Variants in TRAPPC9 observed in about 807,000 individuals in gnomAD.
The protein encoded by TRAPPC9 is IKK2 binding protein.
A neutral mutation model predicts 124.0 loss-of-function variants in TRAPPC9; 83 were observed. That is an observed-to-expected ratio of 0.67 (90% CI 0.56 to 0.80). The LOEUF is 0.80. Ranked by LOEUF, TRAPPC9 falls within the 30% of genes least tolerant of loss-of-function variation. TRAPPC9 has a pLI of 0.00. For synonymous variants in TRAPPC9, 638 were observed against 617.5 expected, an observed-to-expected ratio of 1.03 and a Z score of -0.49; for missense variants, 1,302 against 1,508.3, an observed-to-expected ratio of 0.86 and a Z score of 2.27.
At chr8:140,329,715 G>A (rs1004679341) in intron 9 of TRAPPC9, among the ~76,000 whole-genome samples, 2 of 151,972 alleles carry the variant, frequency 1.3e-5, no homozygotes, top group African/African-American at 4.8e-5. Flanking sequence ...TGCTCATTTC[G>A]GAATCTAAGG....
chr8:139,856,758 G>A (rs974500474), intron 21 of TRAPPC9, among the ~76,000 whole-genome samples: 3 of 150,180 alleles, frequency 2.0e-5, no homozygotes, highest in African/African-American at 7.3e-5. Flanking sequence ...AAACCCAAGT[G>A]TTGAAGGAAG....
At chr8:140,287,147 A>C (rs1279938938) in intron 13 of TRAPPC9, among the ~76,000 whole-genome samples, 2 of 152,172 alleles carry the variant, frequency 1.3e-5, no homozygotes, top group African/African-American at 4.8e-5. Flanking sequence ...TGAGGAGCGA[A>C]TTTAGAAACA....
intron 14 of TRAPPC9, among the ~76,000 whole-genome samples, chr8:140,280,964 C>T (rs903978607): frequency 6.6e-6 from 1 of 152,222 alleles, no homozygotes; most frequent in Non-Finnish European, 1.5e-5. Context: ...CACTGGGGCA[C>T]GTGTCCCTTC....
intron 9 of TRAPPC9, among the ~76,000 whole-genome samples, chr8:140,330,050 G>A (rs562003802): frequency 6.6e-6 from 1 of 152,094 alleles, no homozygotes; most frequent in East Asian, 1.9e-4. Flanking sequence ...TTGCACTCCA[G>A]CCTGGGCAAC....
intron 17 of TRAPPC9, among the ~76,000 whole-genome samples, chr8:140,158,961 C>T (rs1464404725): frequency 6.6e-6 from 1 of 152,238 alleles, no homozygotes; most frequent in African/African-American, 2.4e-5. Context: ...CATCCATCAG[C>T]TACTGGAAGA....
chr8:139,924,312 T>C (rs2131350716), intron 19 of TRAPPC9, among the ~76,000 whole-genome samples: 1 of 152,298 alleles, frequency 6.6e-6, no homozygotes, highest in East Asian at 1.9e-4. Context: ...TGGCCAGCAG[T>C]GGTACCTGGC....
At position 139,979,084 on chromosome 8, in the gene TRAPPC9, C is replaced by T. The variant is rs1054730234; in HGVS notation, c.2810+9642G>A. Among the ~76,000 whole-genome samples, 9 of 152,034 alleles carry T rather than the reference C, an allele frequency of 5.9e-5. No homozygotes were observed. In the South Asian group the frequency reaches 1.0e-3, roughly 18 times the overall value. On this transcript the variant is annotated intron_variant, in intron 19 of 22. Transcript: ENST00000438773. ...GCCGTGGTTGACAGCAGGCCAGGTG[C>T]GGAGCCGTGAGGGTCAGGTCTGACA...
At chr8:140,272,872 GACCCCCCTCCAA>G (rs1277631821) in intron 15 of TRAPPC9, among the ~76,000 whole-genome samples, 3 of 133,216 alleles carry the variant, frequency 2.3e-5, no homozygotes, top group Non-Finnish European at 4.9e-5. Context: ...CCCCCCACCA[GACCCCCCTCCAA>G]CACTGGGGAT....
At chr8:139,830,453 G>A (rs1234115954) in intron 21 of TRAPPC9, among the ~76,000 whole-genome samples, 2 of 150,592 alleles carry the variant, frequency 1.3e-5, no homozygotes, top group Non-Finnish European at 1.5e-5. Flanking sequence ...GCACACAAAC[G>A]CTACACACAT....
rs374826041 is a variant in TRAPPC9, at chr8:139,910,304, C to G, written c.2811-4G>C. On this transcript the variant is annotated splice_polypyrimidine_tract_variant and splice_region_variant and intron_variant, in intron 19 of 22. Coordinates refer to ENST00000438773, the MANE Select transcript of TRAPPC9 (RefSeq NM_001160372.4). ...CTTGTCCACTTGAATAGCCATTCTA[C>G]GAGAAAGGGGAAAACACAGCAGAGA... The G allele has an allele frequency of 4.3e-6, 7 of 1,614,068 alleles. No homozygotes were observed. Among genetic ancestry groups the G allele is most frequent in the Non-Finnish European group, 5.9e-6 (7 of 1,180,022 alleles).
upstream of TRAPPC9, chr8:140,458,448 C>G (rs1486426003): frequency 6.3e-7 from 1 of 1,578,124 alleles, no homozygotes; most frequent in Admixed American, 1.8e-5. Context: ...CCGTGGCGCG[C>G]GCGGCCTGGG....
chr8:139,965,481 C>G (rs958035153), intron 19 of TRAPPC9, among the ~76,000 whole-genome samples: 1 of 152,194 alleles, frequency 6.6e-6, no homozygotes. Flanking sequence ...AGAACTGGGG[C>G]TGACAAGATA....
chr8:140,336,247 T>C (rs968024019), intron 9 of TRAPPC9, among the ~76,000 whole-genome samples: 8 of 152,192 alleles, frequency 5.3e-5, no homozygotes, highest in African/African-American at 1.9e-4. Flanking sequence ...TGTTTATTTA[T>C]GACATAATGA....
At chr8:139,945,539 T>C (rs1467839145) in intron 19 of TRAPPC9, among the ~76,000 whole-genome samples, 1 of 52,026 alleles carries the variant, frequency 1.9e-5, no homozygotes, top group Non-Finnish European at 3.1e-5. Context: ...GACAGCACAA[T>C]TAGCAAAAAA....
At position 140,285,743 on chromosome 8, in the gene TRAPPC9, A is replaced by T. The variant is rs143170245; in HGVS notation, c.1982-1722T>A. ...ACAGCCCACCCCCATTCATTTGAATAGTTCCTAGTTAGCCTTCAAGCCTCA... is the reference window on the plus strand; with the variant it reads ...ACAGCCCACCCCCATTCATTTGAATTGTTCCTAGTTAGCCTTCAAGCCTCA... On this transcript the variant is annotated intron_variant, in intron 13 of 22. Coordinates refer to ENST00000438773, the MANE Select transcript of TRAPPC9 (RefSeq NM_001160372.4). Among the ~76,000 whole-genome samples the T allele has an allele frequency of 8.3e-3, 1,249 of 151,302 alleles. 16 individuals carry two copies. Among genetic ancestry groups the T allele is most frequent in the African/African-American group, 0.029 (1,175 of 41,158 alleles).
At chr8:140,109,647 T>C (rs1356380885) in intron 17 of TRAPPC9, among the ~76,000 whole-genome samples, 1 of 152,226 alleles carries the variant, frequency 6.6e-6, no homozygotes, top group Non-Finnish European at 1.5e-5. Flanking sequence ...GTTGTGGGTA[T>C]AGTGAGAAGC....
chr8:139,931,853 C>T (rs528553045), intron 19 of TRAPPC9: 55 of 167,692 alleles, frequency 3.3e-4, no homozygotes, highest in African/African-American at 1.2e-3. Flanking sequence ...CCATTTCACC[C>T]GGAAAAGATG....
intron 19 of TRAPPC9, among the ~76,000 whole-genome samples, chr8:139,928,441 A>C (rs1257424987): frequency 1.3e-5 from 2 of 152,018 alleles, no homozygotes; most frequent in Non-Finnish European, 2.9e-5. Context: ...GCAGTGAGCC[A>C]AGATGGCGCC....
At chr8:140,343,722 C>G (rs1203449746) in intron 9 of TRAPPC9, among the ~76,000 whole-genome samples, 2 of 152,144 alleles carry the variant, frequency 1.3e-5, no homozygotes, top group African/African-American at 4.8e-5. Flanking sequence ...CTGGCCTCCC[C>G]GGGGTCCCTG....
Sources: allele counts gnomAD v4.1 joint callset (sites outside exome capture counted in the v4.1 genomes callset), GRCh38; gene constraint gnomAD v4.1.1; transcripts MANE v1.5; gene names NCBI Gene and HGNC (gene_info 2026-07-23, HGNC 2026-07-21).